The following BAZ1A variants were observed in gnomAD, a reference collection of about 807,000 sequenced individuals.
BAZ1A encodes the protein bromodomain adjacent to zinc finger domain 1A.
BAZ1A carries 50 observed loss-of-function variants against 185.2 expected under a neutral mutation model. The observed-to-expected ratio is 0.27, with a 90% CI of 0.22 to 0.34. BAZ1A has a LOEUF of 0.34. Among genes scored for constraint, BAZ1A ranks in the 10% least tolerant of loss-of-function variants. The pLI is 1.00. For synonymous variants in BAZ1A, 571 were observed against 615.6 expected (o/e 0.93, Z 1.07); for missense variants, 1,356 against 1,839.9 (o/e 0.74, Z 4.81).
chr14:34,868,178 T>C (rs3783314), intron 2 of BAZ1A, among the ~76,000 whole-genome samples: 83,558 of 151,956 alleles, frequency 0.55, 23,965 homozygotes, highest in Non-Finnish European at 0.65. Context: ...CAACTATACC[T>C]GTATTTTTAG....
At chr14:34,855,945 A>G (rs1394781477) in intron 3 of BAZ1A, among the ~76,000 whole-genome samples, 1 of 152,212 alleles carries the variant, frequency 6.6e-6, no homozygotes. Context: ...TTTTACCCTT[A>G]TTGCACACTT....
At chr14:34,795,435 A>T (rs1881132490) in intron 10 of BAZ1A, among the ~76,000 whole-genome samples, 1 of 152,248 alleles carries the variant, frequency 6.6e-6, no homozygotes, top group Non-Finnish European at 1.5e-5. Context: ...ATTATTAAGG[A>T]TCACACAAAC....
chr14:34,875,072 T>TC (rs1809879382), intron 1 of BAZ1A, 66 bp downstream of exon 1: 1 of 353,974 alleles, frequency 2.8e-6, no homozygotes, highest in South Asian at 2.1e-5. Context: ...CCGGAGCTGC[T>TC]CCGCTTTGTT....
At chr14:34,868,892 GTATGTA>G (rs975737159) in intron 2 of BAZ1A, among the ~76,000 whole-genome samples, 7 of 35,624 alleles carry the variant, frequency 2.0e-4, no homozygotes, top group South Asian at 1.0e-3. Context: ...ATGTATGTAA[GTATGTA>G]TGTGTGTGTG....
chr14:34,810,368 C>G (rs928339103), intron 5 of BAZ1A, among the ~76,000 whole-genome samples: 3 of 152,114 alleles, frequency 2.0e-5, no homozygotes, highest in Non-Finnish European at 2.9e-5. Context: ...ACTTCTGTCT[C>G]CTTTGATTAG....
At chr14:34,800,091 C>T in intron 9 of BAZ1A, 133 bp downstream of exon 9, 8 of 938,082 alleles carry the variant, frequency 8.5e-6, no homozygotes, top group Non-Finnish European at 1.2e-5. Context: ...GGAGATAAAC[C>T]AATCAACTTT....
Position 34,862,057 on chromosome 14 carries a change from T to C in BAZ1A, c.379A>G (p.Asn127Asp). 1 of 1,614,148 alleles carries C rather than the reference T, an allele frequency of 6.2e-7. No homozygotes were observed. The highest frequency in any genetic ancestry group is 8.5e-7 in the Non-Finnish European group (1 of 1,179,984). ...FVEETVEVIR[N>D]NGARLQCRIL... ...AAAGTACTTTACCTTGCACCATTGT[T>C]CCTAATGACTTCCACAGTTTCTTCG... The change falls in exon 3 of 27, where the codon AAC becomes GAC. Residue 127 changes from asparagine to aspartate, a missense_variant. Asn to Asp is a conservative substitution (Grantham distance 23). Around this residue, in one of 7 missense-constraint regions of BAZ1A, gnomAD observed 332 missense variants for 395.3 expected, o/e 0.84. Transcript: ENST00000360310.
chr14:34,844,109 G>A (rs1257922090), intron 3 of BAZ1A, among the ~76,000 whole-genome samples: 2 of 150,088 alleles, frequency 1.3e-5, no homozygotes, highest in South Asian at 2.1e-4. Context: ...GGGAGGCTGA[G>A]GCAGGAGAAT....
intron 3 of BAZ1A, among the ~76,000 whole-genome samples, chr14:34,829,426 A>T (rs959020673): frequency 7.9e-5 from 12 of 152,056 alleles, no homozygotes; most frequent in Non-Finnish European, 1.6e-4. Context: ...AAAAAAAAAG[A>T]CCATTTCATT....
intron 24 of BAZ1A, 140 bp downstream of exon 24, chr14:34,761,617 T>C: frequency 1.5e-6 from 1 of 689,600 alleles, no homozygotes; most frequent in Non-Finnish European, 2.4e-6. Context: ...ATGACTATTA[T>C]GCTTCAGGTC....
In BAZ1A at chr14:34,852,771, G is replaced by A. The variant is rs147037327; in HGVS notation, c.392+9273C>T. On this transcript the variant is annotated intron_variant, in intron 3 of 26. Transcript: ENST00000360310. ...CTGAGAAGCAACCCTATAAGGCGGG[G>A]GGTTCATTTAATACGTGAAAAAAGA... 1.2e-3 allele frequency among the ~76,000 whole-genome samples: 180 copies of A among 152,146 alleles called. 2 individuals carry two copies. The South Asian group carries it at 0.017, about 14-fold the overall frequency.
At chr14:34,844,420 T>G (rs2138768784) in intron 3 of BAZ1A, among the ~76,000 whole-genome samples, 1 of 152,110 alleles carries the variant, frequency 6.6e-6, no homozygotes, top group South Asian at 2.1e-4. Flanking sequence ...TTCGAAGAGT[T>G]AATATTGTTA....
intron 3 of BAZ1A, 39 bp downstream of exon 3, chr14:34,862,005 A>T (rs2042776930): frequency 6.3e-7 from 1 of 1,593,834 alleles, no homozygotes; most frequent in Non-Finnish European, 8.6e-7. Flanking sequence ...AGCAATGTGA[A>T]TATAAACTTA....
chr14:34,828,454 G>C (rs556896144), intron 3 of BAZ1A: 1 of 152,232 alleles, frequency 6.6e-6, no homozygotes, highest in African/African-American at 2.4e-5. Context: ...TTCAAGGTTA[G>C]GATCTTACTG....
chr14:34,764,359 C>T (rs559795658), intron 23 of BAZ1A, among the ~76,000 whole-genome samples: 6 of 146,624 alleles, frequency 4.1e-5, no homozygotes, highest in East Asian at 2.0e-4. Context: ...TGGCGTGATC[C>T]GTTACCTCAC....
intron 3 of BAZ1A, among the ~76,000 whole-genome samples, chr14:34,847,657 G>A (rs2042535910): frequency 6.6e-6 from 1 of 152,042 alleles, no homozygotes; most frequent in African/African-American, 2.4e-5. Flanking sequence ...TTTCTCGCTT[G>A]AATCTTTTAT....
intron 11 of BAZ1A, among the ~76,000 whole-genome samples, chr14:34,794,380 G>A (rs1193178862): frequency 6.6e-6 from 1 of 152,166 alleles, no homozygotes; most frequent in East Asian, 1.9e-4. Flanking sequence ...TCAAGAAGTG[G>A]AGTCTATTCC....
In BAZ1A at chr14:34,872,064, T is replaced by G. The variant is rs559915408; in HGVS notation, c.113+2428A>C. On this transcript the variant is annotated intron_variant, in intron 2 of 26. Transcript: ENST00000360310. ...ATTAAATGGCAGTCTTCTTCCAATT[T>G]TGTCAAAATTATTTCCGTTCAGTCA... is the stretch of plus-strand genomic sequence containing the variant. Among the ~76,000 whole-genome samples the G allele has an allele frequency of 1.2e-4, 18 of 152,302 alleles. No individual in the cohort carries two copies. In the East Asian group the frequency reaches 3.3e-3, roughly 28 times the overall value.
intron 2 of BAZ1A, among the ~76,000 whole-genome samples, chr14:34,869,718 G>A (rs1459059511): frequency 6.6e-6 from 1 of 152,164 alleles, no homozygotes; most frequent in Non-Finnish European, 1.5e-5. Context: ...GAGGTCTAAA[G>A]GTGTGCAGGC....
Sources: allele counts gnomAD v4.1 joint callset (sites outside exome capture counted in the v4.1 genomes callset), GRCh38; gene constraint gnomAD v4.1.1; regional missense constraint gnomAD v4.1.1; transcripts MANE v1.5; gene names NCBI Gene and HGNC (gene_info 2026-07-23, HGNC 2026-07-21).